Variants in KHDRBS2 observed in about 807,000 individuals in gnomAD.
KHDRBS2 encodes the protein KH domain-containing, RNA-binding, signal transduction-associated protein 2.
A neutral mutation model predicts 44.3 loss-of-function variants in KHDRBS2; 26 were observed. The ratio of observed to expected loss-of-function variants is 0.59; its 90% CI spans 0.43 to 0.81. The LOEUF is 0.81. KHDRBS2 is among the 40% of genes least tolerant of loss of function. The pLI, the probability that KHDRBS2 is intolerant of heterozygous loss-of-function variation, is 0.00. For synonymous variants in KHDRBS2, 194 were observed against 151.1 expected (o/e 1.28, Z -2.08); for missense variants, 476 against 433.1 (o/e 1.10, Z -0.88).
At chr6:62,284,632 T>C (rs1275252811) in intron 1 of KHDRBS2, among the ~76,000 whole-genome samples, 3 of 152,108 alleles carry the variant, frequency 2.0e-5, no homozygotes, top group South Asian at 2.1e-4. Flanking sequence ...ACTAGCTTTT[T>C]CCCTGAAAAC....
rs559262625 is a variant in KHDRBS2 at position 61,700,322 on chromosome 6, G to A, written c.894-3069C>T. On this transcript the variant is annotated intron_variant, in intron 7 of 8. Transcript: ENST00000281156. The stretch of plus-strand genomic sequence containing the variant: ...AGACAGAAAAAGAACAGTAGTGGGA[G>A]AGAATATGATAAAGAAGCACAGTTA... Among the ~76,000 whole-genome samples, 84 of 150,978 alleles carry A rather than the reference G, an allele frequency of 5.6e-4. 2 individuals carry two copies. The South Asian group carries it at 0.017, about 30-fold the overall frequency.
At chr6:61,986,534 C>T (rs1221717884) in intron 3 of KHDRBS2, among the ~76,000 whole-genome samples, 1 of 152,050 alleles carries the variant, frequency 6.6e-6, no homozygotes, top group Non-Finnish European at 1.5e-5. Context: ...TTATTCTAAA[C>T]CAAAAAGCTC....
the KHDRBS2 span, among the ~76,000 whole-genome samples, chr6:61,664,129 C>T: frequency 1.3e-5 from 2 of 151,780 alleles, no homozygotes; most frequent in South Asian, 2.1e-4. Flanking sequence ...TAACACCACA[C>T]TTACTGATCT....
At chr6:62,063,390 G>A (rs1428735735) in intron 2 of KHDRBS2, among the ~76,000 whole-genome samples, 1 of 151,286 alleles carries the variant, frequency 6.6e-6, no homozygotes, top group Non-Finnish European at 1.5e-5. Context: ...ATAAAATACT[G>A]GCAAACCGAA....
intron 2 of KHDRBS2, among the ~76,000 whole-genome samples, chr6:62,150,768 T>C (rs1156448484): frequency 1.3e-5 from 2 of 152,214 alleles, no homozygotes; most frequent in Non-Finnish European, 2.9e-5. Context: ...ATCTCAGCTT[T>C]GTGTCACAGA....
the KHDRBS2 span, among the ~76,000 whole-genome samples, chr6:61,622,564 G>A: frequency 6.6e-6 from 1 of 152,066 alleles, no homozygotes; most frequent in Non-Finnish European, 1.5e-5. Context: ...GTCTTTTATT[G>A]GAACAAAAGA....
intron 1 of KHDRBS2, among the ~76,000 whole-genome samples, chr6:62,207,887 A>G (rs1828289625): frequency 1.3e-5 from 2 of 152,204 alleles, no homozygotes; most frequent in Non-Finnish European, 2.9e-5. Context: ...ATCATCTCAC[A>G]TAGTTACTTA....
the KHDRBS2 span, among the ~76,000 whole-genome samples, chr6:61,578,330 A>G: frequency 6.6e-6 from 1 of 152,162 alleles, no homozygotes; most frequent in African/African-American, 2.4e-5. Context: ...TTTCCGCAAA[A>G]CAGTACAGTA....
chr6:61,885,774 C>T (rs890931643), intron 6 of KHDRBS2, among the ~76,000 whole-genome samples: 7 of 152,066 alleles, frequency 4.6e-5, no homozygotes, highest in Non-Finnish European at 1.0e-4. Context: ...AGAGAGATGA[C>T]CATGTAAACA....
intron 4 of KHDRBS2, among the ~76,000 whole-genome samples, chr6:61,953,733 A>G (rs1287778435): frequency 6.6e-6 from 1 of 152,146 alleles, no homozygotes; most frequent in African/African-American, 2.4e-5. Flanking sequence ...CAATTTGCTG[A>G]CACTGTTGGA....
At chr6:61,673,240 G>A in the KHDRBS2 span, among the ~76,000 whole-genome samples, 4 of 151,994 alleles carry the variant, frequency 2.6e-5, no homozygotes, top group Non-Finnish European at 5.9e-5. Flanking sequence ...TGCTGTTTTG[G>A]TTACTGTAGC....
rs1383254700 is a variant in KHDRBS2 at position 61,815,286 on chromosome 6, C to CT, written c.810+79348dup. On this transcript the variant is annotated intron_variant, in intron 6 of 8. Coordinates refer to ENST00000281156, the MANE Select transcript of KHDRBS2 (RefSeq NM_152688.4). Reference sequence around the variant, plus strand: ...AACAGAGTGGGAAGGAATCACACTACTTGGAATGGCATACAATTTAAAACT... The same window carrying CT: ...AACAGAGTGGGAAGGAATCACACTACTTTGGAATGGCATACAATTTAAAACT... 2.0e-5 allele frequency among the ~76,000 whole-genome samples: 3 copies of CT among 152,202 alleles called. No individual in the cohort carries two copies. In the East Asian group the frequency reaches 5.8e-4, roughly 30 times the overall value.
At chr6:62,130,173 G>A (rs2150089233) in intron 2 of KHDRBS2, among the ~76,000 whole-genome samples, 1 of 152,250 alleles carries the variant, frequency 6.6e-6, no homozygotes, top group Admixed American at 6.5e-5. Flanking sequence ...CTTCACATGA[G>A]AAGATAAATT....
chr6:61,939,311 G>A (rs1369860440), intron 4 of KHDRBS2, among the ~76,000 whole-genome samples: 1 of 152,088 alleles, frequency 6.6e-6, no homozygotes, highest in African/African-American at 2.4e-5. Flanking sequence ...ACTGTAACCT[G>A]CTCTATTTTT....
At chr6:62,236,141 T>C (rs1252413687) in intron 1 of KHDRBS2, among the ~76,000 whole-genome samples, 1 of 152,112 alleles carries the variant, frequency 6.6e-6, no homozygotes, top group Non-Finnish European at 1.5e-5. Context: ...CCACATAATA[T>C]AATGTATTAG....
intron 6 of KHDRBS2, among the ~76,000 whole-genome samples, chr6:61,797,221 A>C (rs1482601957): frequency 6.6e-6 from 1 of 152,084 alleles, no homozygotes; most frequent in Admixed American, 6.6e-5. Context: ...AAAGAAATTG[A>C]GTGAAGGGGA....
At chr6:62,219,267 A>T (rs1830496330) in intron 1 of KHDRBS2, among the ~76,000 whole-genome samples, 1 of 152,016 alleles carries the variant, frequency 6.6e-6, no homozygotes, top group South Asian at 2.1e-4. Context: ...AAAAGAGAAA[A>T]ATATATATGA....
chr6:61,901,899 C>A (rs1253755557), intron 4 of KHDRBS2, among the ~76,000 whole-genome samples: 2 of 152,174 alleles, frequency 1.3e-5, no homozygotes, highest in East Asian at 3.9e-4. Flanking sequence ...CAACAAGCAG[C>A]TGCAGAATCC....
intron 2 of KHDRBS2, among the ~76,000 whole-genome samples, chr6:62,098,174 T>G (rs2127370253): frequency 6.6e-6 from 1 of 152,208 alleles, no homozygotes; most frequent in East Asian, 1.9e-4. Context: ...ACACACAATG[T>G]CTATAGTATA....
Sources: gnomAD v4.1 joint callset for allele counts (sites outside exome capture counted in the v4.1 genomes callset) on GRCh38, gnomAD v4.1.1 for gene constraint, MANE v1.5 for transcripts, NCBI Gene and HGNC (gene_info 2026-07-23, HGNC 2026-07-21) for gene names.